The following ASIC2 variants were observed in gnomAD, a reference collection of about 807,000 sequenced individuals.
The protein encoded by ASIC2 is acid-sensing ion channel 2.
ASIC2 carries 25 observed loss-of-function variants against 57.3 expected under a neutral mutation model. The ratio of observed to expected loss-of-function variants is 0.44; its 90% CI spans 0.32 to 0.61. The LOEUF is 0.61. Among genes scored for constraint, ASIC2 ranks in the 20% least tolerant of loss-of-function variants. ASIC2 has a pLI of 0.06. For missense variants in ASIC2, 641 were observed against 738.1 expected (o/e 0.87, Z 1.52); for synonymous variants, 319 against 307.5 (o/e 1.04, Z -0.39).
chr17:33,372,290 G>A (rs1909099733), intron 1 of ASIC2, among the ~76,000 whole-genome samples: 1 of 151,964 alleles, frequency 6.6e-6, no homozygotes. Context: ...AGTACAGTGG[G>A]GCTTCTGGCT....
At chr17:33,420,367 T>C (rs1417764775) in intron 1 of ASIC2, among the ~76,000 whole-genome samples, 2 of 152,222 alleles carry the variant, frequency 1.3e-5, no homozygotes, top group East Asian at 3.8e-4. Flanking sequence ...AGGGAACTGA[T>C]GAAGATTTTA....
intron 1 of ASIC2, among the ~76,000 whole-genome samples, chr17:33,439,580 T>C (rs1911753871): frequency 6.6e-6 from 1 of 152,168 alleles, no homozygotes; most frequent in Non-Finnish European, 1.5e-5. Context: ...TACTCCATAC[T>C]CATTGGTGCT....
At chr17:33,843,190 G>T (rs990819829) in intron 1 of ASIC2, among the ~76,000 whole-genome samples, 1 of 152,164 alleles carries the variant, frequency 6.6e-6, no homozygotes, top group African/African-American at 2.4e-5. Context: ...TAAATCCCAT[G>T]AGAACAAGGA....
At chr17:33,372,128 T>G (rs1477614245) in intron 1 of ASIC2, among the ~76,000 whole-genome samples, 1 of 152,124 alleles carries the variant, frequency 6.6e-6, no homozygotes, top group Non-Finnish European at 1.5e-5. Context: ...GCATAGGGGC[T>G]GAGCCAGCTC....
chr17:33,044,692 C>T (rs1403498474), intron 3 of ASIC2, among the ~76,000 whole-genome samples: 2 of 152,128 alleles, frequency 1.3e-5, no homozygotes, highest in Non-Finnish European at 2.9e-5. Context: ...CTAATCTGTT[C>T]CAGAAACACT....
intron 1 of ASIC2, among the ~76,000 whole-genome samples, chr17:33,916,559 A>G (rs1915590640): frequency 2.0e-5 from 3 of 152,352 alleles, no homozygotes; most frequent in African/African-American, 7.2e-5. Flanking sequence ...TATTTCCAGA[A>G]GAAAGAATTC....
chr17:33,829,552 C>A (rs1259425455), intron 1 of ASIC2, among the ~76,000 whole-genome samples: 1 of 150,862 alleles, frequency 6.6e-6, no homozygotes, highest in Non-Finnish European at 1.5e-5. Flanking sequence ...ACAATTGCTC[C>A]AAGGCAGGAC....
At chr17:34,125,097 A>G (rs574135613) in intron 1 of ASIC2, among the ~76,000 whole-genome samples, 1 of 151,354 alleles carries the variant, frequency 6.6e-6, no homozygotes, top group Non-Finnish European at 1.5e-5. Flanking sequence ...ACAAAGCCTT[A>G]CCTATACCCC....
At chr17:33,353,642 C>G (rs1229854146) in intron 1 of ASIC2, among the ~76,000 whole-genome samples, 1 of 152,128 alleles carries the variant, frequency 6.6e-6, no homozygotes, top group African/African-American at 2.4e-5. Flanking sequence ...CTAACCTTAC[C>G]TTATTTATTC....
At chr17:33,610,061 C>CACACACAT (rs1905350776) in intron 1 of ASIC2, among the ~76,000 whole-genome samples, 1 of 151,400 alleles carries the variant, frequency 6.6e-6, no homozygotes, top group Non-Finnish European at 1.5e-5. Flanking sequence ...GGCGCACACA[C>CACACACAT]ACACACACAC....
chr17:33,291,452 A>C lies in ASIC2; in HGVS notation c.664T>G (p.Cys222Gly). The C allele has an allele frequency of 1.2e-6, 2 of 1,611,166 alleles. No homozygotes were observed. The highest frequency in any genetic ancestry group is 1.7e-6 in the Non-Finnish European group (2 of 1,179,080). The change falls in exon 1 of 10, where the codon TGC (cysteine) becomes GGC (glycine). Residue 222 changes from cysteine (C) to glycine (G), a missense_variant. This residue lies in a region of ASIC2 where 382 missense variants were observed against 398.0 expected (regional missense o/e 0.96). Transcript: ENST00000225823. The part of the protein sequence containing the change: ...GHQLEDMLLS[C>G]KYRGELCGPH... The stretch of plus-strand genomic sequence containing the variant: ...CCGCAGAGCTCGCCGCGGTACTTGC[A>C]GGAGAGCAGCATGTCCTCCAGCTGG...
chr17:33,936,481 C>T (rs1477424811), intron 1 of ASIC2: 1 of 152,176 alleles, frequency 6.6e-6, no homozygotes, highest in African/African-American at 2.4e-5. Context: ...TGGAAGAGCC[C>T]AAGAGAAAGC....
At chr17:33,131,260 G>GA (rs1404856150) in intron 1 of ASIC2, among the ~76,000 whole-genome samples, 1 of 151,958 alleles carries the variant, frequency 6.6e-6, no homozygotes, top group African/African-American at 2.4e-5. Flanking sequence ...TAAGCAGGAG[G>GA]AAAAAAATCT....
At chr17:33,178,024 T>C (rs1265315173) in intron 1 of ASIC2, among the ~76,000 whole-genome samples, 2 of 152,160 alleles carry the variant, frequency 1.3e-5, no homozygotes, top group Admixed American at 6.5e-5. Context: ...TTGTGTTCTG[T>C]GTACAATTCA....
intron 1 of ASIC2, chr17:33,624,114 C>T (rs1365060217): frequency 6.6e-6 from 1 of 152,202 alleles, no homozygotes; most frequent in Non-Finnish European, 1.5e-5. Flanking sequence ...TTTGGAAAGT[C>T]ACCATGACAT....
chr17:33,837,790 A>G (rs1913317920), intron 1 of ASIC2, among the ~76,000 whole-genome samples: 1 of 152,164 alleles, frequency 6.6e-6, no homozygotes, highest in African/African-American at 2.4e-5. Flanking sequence ...GGCCTCCTCC[A>G]TATTATGGCC....
intron 1 of ASIC2, among the ~76,000 whole-genome samples, chr17:33,762,779 T>G (rs961853412): frequency 6.6e-6 from 1 of 152,202 alleles, no homozygotes; most frequent in African/African-American, 2.4e-5. Flanking sequence ...TGTCCCATGT[T>G]AGAGCAGCCA....
chr17:33,526,980 T>C (rs776599025), intron 1 of ASIC2, among the ~76,000 whole-genome samples: 2 of 152,224 alleles, frequency 1.3e-5, no homozygotes, highest in Non-Finnish European at 2.9e-5. Flanking sequence ...TATCTCTATT[T>C]TCCAGCTAGT....
At chr17:33,459,045 A>C (rs1032821720) in intron 1 of ASIC2, among the ~76,000 whole-genome samples, 1 of 151,498 alleles carries the variant, frequency 6.6e-6, no homozygotes, top group Non-Finnish European at 1.5e-5. Flanking sequence ...TACTAAAACA[A>C]ACTGTCAATT....
Sources: allele counts gnomAD v4.1 joint callset (sites outside exome capture counted in the v4.1 genomes callset), GRCh38; gene constraint gnomAD v4.1.1; regional missense constraint gnomAD v4.1.1; transcripts MANE v1.5; gene names NCBI Gene and HGNC (gene_info 2026-07-23, HGNC 2026-07-21).